CDH12: variants seen among roughly 807,000 people sequenced by gnomAD.
CDH12 encodes cadherin 12.
Under a neutral mutation model 74.1 loss-of-function variants are expected in CDH12, and 41 were observed. The ratio of observed to expected loss-of-function variants is 0.55; its 90% confidence interval spans 0.43 to 0.72. The LOEUF is 0.72. CDH12 is among the 30% of genes least tolerant of loss of function. CDH12 has a pLI of 0.00. For synonymous variants in CDH12, 399 were observed against 355.0 expected (o/e 1.12, Z -1.39); for missense variants, 945 against 977.2 (o/e 0.97, Z 0.44).
chr5:22,678,053 G>GCT (rs1470498724), intron 1 of CDH12, among the ~76,000 whole-genome samples: 2 of 150,462 alleles, frequency 1.3e-5, no homozygotes, highest in African/African-American at 2.4e-5. Flanking sequence ...ATGGGGGGGG[G>GCT]GGTTAGGATT....
At chr5:22,583,432 A>G (rs378687) in intron 1 of CDH12, among the ~76,000 whole-genome samples, 83,552 of 152,060 alleles carry the variant, frequency 0.55, 23,247 homozygotes, top group East Asian at 0.68. Context: ...AAAGAGAACC[A>G]ATTTAGAAAT....
chr5:22,464,073 C>G (rs1484778440), intron 2 of CDH12, among the ~76,000 whole-genome samples: 1 of 152,112 alleles, frequency 6.6e-6, no homozygotes, highest in African/African-American at 2.4e-5. Flanking sequence ...ACGGGTCTTT[C>G]CTGTGCTATT....
At chr5:22,838,651 C>CTGTGTGTGTGTG (rs369033220) in intron 1 of CDH12, among the ~76,000 whole-genome samples, 311 of 143,948 alleles carry the variant, frequency 2.2e-3, no homozygotes, top group Non-Finnish European at 2.3e-3. Context: ...GTGAGAGTGT[C>CTGTGTGTGTGTG]TGTGTGTGTG....
chr5:22,298,172 T>C (rs1737710588), intron 3 of CDH12, among the ~76,000 whole-genome samples: 1 of 150,572 alleles, frequency 6.6e-6, no homozygotes. Flanking sequence ...ACTTTTAGTT[T>C]TCACTTAGCA....
intron 3 of CDH12, among the ~76,000 whole-genome samples, chr5:22,325,120 G>C (rs187575045): frequency 1.6e-4 from 24 of 152,286 alleles, no homozygotes; most frequent in Admixed American, 1.4e-3. Context: ...TGCTGGGTGG[G>C]AGACTTTTCT....
intron 5 of CDH12, among the ~76,000 whole-genome samples, chr5:22,066,883 G>C (rs1311296429): frequency 6.6e-6 from 1 of 152,138 alleles, no homozygotes; most frequent in East Asian, 1.9e-4. Flanking sequence ...TTAGTCAGGT[G>C]GTGACTCCAA....
At chr5:22,681,868 A>G (rs1300872935) in intron 1 of CDH12, among the ~76,000 whole-genome samples, 1 of 152,062 alleles carries the variant, frequency 6.6e-6, no homozygotes, top group Non-Finnish European at 1.5e-5. Context: ...ATATTTCACT[A>G]TGAAATAGAG....
chr5:22,776,029 G>C (rs1427705381), intron 1 of CDH12, among the ~76,000 whole-genome samples: 2 of 152,048 alleles, frequency 1.3e-5, no homozygotes, highest in Admixed American at 1.3e-4. Context: ...ATGATTCTGA[G>C]GCCTCCCCAG....
chr5:21,921,457 T>G (rs1173729012), intron 6 of CDH12, among the ~76,000 whole-genome samples: 1 of 152,164 alleles, frequency 6.6e-6, no homozygotes, highest in Non-Finnish European at 1.5e-5. Flanking sequence ...TTTTTTTCTG[T>G]CTTCCTTTAT....
chr5:21,956,941 G>A lies in CDH12; in HGVS notation c.526+18150C>T, dbSNP rs1044061399. On this transcript the variant is annotated intron_variant, in intron 6 of 14. Coordinates refer to ENST00000382254, the MANE Select transcript of CDH12 (RefSeq NM_004061.5). ...TTTTTTAACTTTTATTTTAGGTTTG[G>A]GAGTACCTGTGAAAGTTTGTTATAT... Among the ~76,000 whole-genome samples, 5 of 151,950 alleles carry A rather than the reference G, an allele frequency of 3.3e-5. No individual in the cohort carries two copies. The East Asian group carries it at 9.7e-4, about 29-fold the overall frequency.
intron 6 of CDH12, among the ~76,000 whole-genome samples, chr5:21,907,623 C>G (rs1753698801): frequency 6.6e-6 from 1 of 152,162 alleles, no homozygotes; most frequent in Non-Finnish European, 1.5e-5. Context: ...GGGAGCTAAG[C>G]AAAGAATACC....
At chr5:21,977,111 A>G (rs1757102789) in intron 5 of CDH12, among the ~76,000 whole-genome samples, 1 of 152,070 alleles carries the variant, frequency 6.6e-6, no homozygotes, top group African/African-American at 2.4e-5. Context: ...GAGTATAAGC[A>G]AAACCATAAA....
At chr5:22,663,327 A>G (rs1320459427) in intron 1 of CDH12, among the ~76,000 whole-genome samples, 1 of 152,188 alleles carries the variant, frequency 6.6e-6, no homozygotes, top group Non-Finnish European at 1.5e-5. Flanking sequence ...CTACCTTAGT[A>G]TTAGTCATTC....
At chr5:22,359,710 T>C (rs564728722) in intron 3 of CDH12, among the ~76,000 whole-genome samples, 96 of 152,058 alleles carry the variant, frequency 6.3e-4, no homozygotes, top group African/African-American at 2.3e-3. Context: ...TGTAAAAGAA[T>C]AGAAATTATA....
intron 1 of CDH12, among the ~76,000 whole-genome samples, chr5:22,605,319 A>G (rs1228573174): frequency 6.6e-6 from 1 of 152,176 alleles, no homozygotes; most frequent in Non-Finnish European, 1.5e-5. Context: ...TATACATTCT[A>G]TTAGTTCTAC....
intron 1 of CDH12, among the ~76,000 whole-genome samples, chr5:22,613,138 T>A (rs1303167830): frequency 6.6e-6 from 1 of 151,974 alleles, no homozygotes; most frequent in Non-Finnish European, 1.5e-5. Context: ...CAAGAGCAGA[T>A]TTTCCATTTG....
At chr5:21,832,613 T>C (rs1035053679) in intron 8 of CDH12, among the ~76,000 whole-genome samples, 2 of 150,800 alleles carry the variant, frequency 1.3e-5, no homozygotes, top group Admixed American at 6.7e-5. Flanking sequence ...ATATTTAGTC[T>C]TTACCCAAAT....
chr5:21,856,370 A>C (rs1388701684), intron 6 of CDH12, among the ~76,000 whole-genome samples: 1 of 151,748 alleles, frequency 6.6e-6, no homozygotes, highest in Non-Finnish European at 1.5e-5. Flanking sequence ...GTCTACAAAT[A>C]TTCACTACTG....
intron 1 of CDH12, among the ~76,000 whole-genome samples, chr5:22,565,514 G>T (rs992058070): frequency 3.9e-5 from 6 of 152,132 alleles, no homozygotes; most frequent in African/African-American, 1.4e-4. Flanking sequence ...GAATACTTCA[G>T]GAATTAGCTG....
Sources: allele counts gnomAD v4.1 joint callset (sites outside exome capture counted in the v4.1 genomes callset), GRCh38; gene constraint gnomAD v4.1.1; transcripts MANE v1.5; gene names NCBI Gene and HGNC (gene_info 2026-07-23, HGNC 2026-07-21).